The following CD274 variants were observed in gnomAD, a reference collection of about 807,000 sequenced individuals.
The protein encoded by CD274 is CD274 molecule.
In CD274, 8 loss-of-function variants were observed where a neutral mutation model predicts 30.1. The observed-to-expected ratio is 0.27, with a 90% CI of 0.16 to 0.48. The LOEUF is 0.48. Ranked by LOEUF, CD274 falls within the 20% of genes least tolerant of loss-of-function variation. The probability of loss-of-function intolerance (pLI) is 0.99; values close to 1 mark genes in which losing one functional copy is unlikely to be tolerated. For missense variants in CD274, 353 were observed against 346.6 expected (o/e 1.02, Z -0.15); for synonymous variants, 152 against 124.6 (o/e 1.22, Z -1.46).
intron 4 of CD274, 67 bp downstream of exon 4, chr9:5,463,188 G>A (rs2131225141): frequency 3.4e-6 from 4 of 1,180,052 alleles, no homozygotes; most frequent in Non-Finnish European, 5.0e-6. Flanking sequence ...CATGATGTCT[G>A]CCTATCATAG....
intron 1 of CD274, among the ~76,000 whole-genome samples, chr9:5,455,116 G>A (rs922591426): frequency 1.3e-5 from 2 of 151,846 alleles, no homozygotes; most frequent in South Asian, 4.1e-4. Context: ...TACAAAGATT[G>A]GAGAGGCACT....
rs900746109 is a variant in CD274 at position 5,456,986 on chromosome 9, G to A, written c.53-93G>A. Reference sequence around the variant, plus strand: ...TCTTAAATATAATGATAACATAACCGACCAGATAAAGTGATTTATAAACGC... The same window carrying A: ...TCTTAAATATAATGATAACATAACCAACCAGATAAAGTGATTTATAAACGC... On this transcript the variant is annotated intron_variant, in intron 2 of 6. Coordinates refer to ENST00000381577, the MANE Select transcript of CD274 (RefSeq NM_014143.4). 1.4e-5 allele frequency: 11 copies of A among 802,302 alleles called. No homozygotes were observed. In the East Asian group the frequency reaches 1.5e-4, roughly 11 times the overall value. 49.7% of individuals were successfully genotyped at this position (802,302 alleles called of 1,614,324 possible).
intron 1 of CD274, among the ~76,000 whole-genome samples, chr9:5,455,486 C>T (rs563543077): frequency 1.0e-3 from 157 of 152,230 alleles, no homozygotes; most frequent in Non-Finnish European, 2.0e-3. Context: ...AACTCTCTCC[C>T]CTTCCCACTC....
chr9:5,459,170 T>A (rs1042311366), intron 3 of CD274, among the ~76,000 whole-genome samples: 1 of 152,196 alleles, frequency 6.6e-6, no homozygotes, highest in Non-Finnish European at 1.5e-5. Flanking sequence ...TGATGGTTTT[T>A]CCAAGGGGGA....
At chr9:5,451,676 T>G (rs1182209164) in intron 1 of CD274, among the ~76,000 whole-genome samples, 1 of 152,178 alleles carries the variant, frequency 6.6e-6, no homozygotes, top group African/African-American at 2.4e-5. Context: ...TTCAAGGAAG[T>G]CACAGAAATA....
At chr9:5,462,203 A>G (rs996345677) in intron 3 of CD274, among the ~76,000 whole-genome samples, 3 of 152,190 alleles carry the variant, frequency 2.0e-5, no homozygotes, top group Non-Finnish European at 4.4e-5. Context: ...GTATTTTCAT[A>G]TCTAATTTCT....
intron 4 of CD274, 91 bp downstream of exon 4, chr9:5,463,212 G>A: frequency 4.1e-6 from 4 of 982,850 alleles, no homozygotes; most frequent in Non-Finnish European, 6.3e-6. Flanking sequence ...TTCAGTGATT[G>A]TTGAATAAAT....
chr9:5,470,432 T>G lies in CD274; in HGVS notation c.*2570T>G, dbSNP rs1473865269. The G allele has an allele frequency of 4.4e-6, 1 of 229,196 alleles. No individual in the cohort carries two copies. The highest frequency in any genetic ancestry group is 8.7e-6 in the Non-Finnish European group (1 of 115,600). 14.2% of individuals were successfully genotyped at this position (229,196 alleles called of 1,614,324 possible). ...GATGATACCTAATTCTGCATTTGAT[T>G]GTCACTTTTTGTACCTGCATTAATT... is the stretch of plus-strand genomic sequence containing the variant. On this transcript the variant is annotated 3_prime_UTR_variant, in exon 7 of 7. Transcript: ENST00000381577.
In CD274 at chr9:5,467,868, C is replaced by G. The variant is rs1359819369; in HGVS notation, c.*6C>G. Reference sequence around the variant, plus strand: ...CACATTTGGAGGAGACGTAATCCAGCATTGGAACTTCTGATCTTCAAGCAG... The same window carrying G: ...CACATTTGGAGGAGACGTAATCCAGGATTGGAACTTCTGATCTTCAAGCAG... On this transcript the variant is annotated 3_prime_UTR_variant, in exon 7 of 7. Transcript: ENST00000381577. The G allele has an allele frequency of 6.2e-7, 1 of 1,607,768 alleles. No individual in the cohort carries two copies. Among genetic ancestry groups the G allele is most frequent in the African/African-American group, 1.3e-5 (1 of 74,732 alleles).
chr9:5,453,212 GATGACTC>G (rs1279369211), intron 1 of CD274, among the ~76,000 whole-genome samples: 1 of 152,078 alleles, frequency 6.6e-6, no homozygotes, highest in Non-Finnish European at 1.5e-5. Context: ...GCAAGAGGAT[GATGACTC>G]ATGTTATTTC....
intron 4 of CD274, among the ~76,000 whole-genome samples, chr9:5,464,091 A>C (rs924285497): frequency 6.6e-6 from 1 of 152,232 alleles, no homozygotes; most frequent in African/African-American, 2.4e-5. Context: ...AGGAAAAGAT[A>C]ATCCAGGACG....
intron 3 of CD274, among the ~76,000 whole-genome samples, chr9:5,459,017 G>A (rs1427144314): frequency 6.6e-6 from 1 of 152,186 alleles, no homozygotes; most frequent in Non-Finnish European, 1.5e-5. Flanking sequence ...TCTCTCATCA[G>A]CCTGTAGGGA....
chr9:5,457,042 T>G (rs1025917093), intron 2 of CD274, 37 bp from the exon 3 acceptor site: 51 of 1,450,960 alleles, frequency 3.5e-5, no homozygotes, highest in Middle Eastern at 1.9e-4. Context: ...TTCGAGGAAT[T>G]TTCCCTTTTC....
chr9:5,461,461 G>A (rs1819403066), intron 3 of CD274, among the ~76,000 whole-genome samples: 1 of 152,106 alleles, frequency 6.6e-6, no homozygotes, highest in Non-Finnish European at 1.5e-5. Flanking sequence ...TCCACTGGTA[G>A]TGGTTTCATT....
Position 5,468,012 on chromosome 9 carries a change from T to G in CD274, c.*150T>G. 1.5e-6 allele frequency: 1 copy of G among 685,592 alleles called. No individual in the cohort carries two copies. Among genetic ancestry groups the G allele is most frequent in the South Asian group, 1.7e-5 (1 of 59,958 alleles). 42.5% of individuals were successfully genotyped at this position (685,592 alleles called of 1,614,324 possible). ...AGGCCCAAGCACTGAAAATGGAACC[T>G]GGCGAAAGCAGAGGAGGAGAATGAA... On this transcript the variant is annotated 3_prime_UTR_variant, in exon 7 of 7. Coordinates refer to ENST00000381577, the MANE Select transcript of CD274 (RefSeq NM_014143.4).
Position 5,466,821 on chromosome 9 carries a change from A to G in CD274, c.842A>G (p.Lys281Arg), listed in dbSNP as rs2131233080. The change falls in exon 6 of 7, where the codon AAG becomes AGG. Residue 281 changes from lysine (K) to arginine (R), a missense_variant. Lys to Arg is a conservative substitution (Grantham distance 26). Coordinates refer to ENST00000381577, the MANE Select transcript of CD274 (RefSeq NM_014143.4). The part of the protein sequence containing the change: ...KCGIQDTNSK[K>R]QSDTHLEET ...GGCATCCAAGATACAAACTCAAAGA[A>G]GCAAAGTGGTAAGAATATCAGAAGG... The G allele has an allele frequency of 6.2e-7, 1 of 1,609,786 alleles. No homozygotes were observed. Among genetic ancestry groups the G allele is most frequent in the Non-Finnish European group, 8.5e-7 (1 of 1,177,270 alleles).
Position 5,469,472 on chromosome 9 carries a change from T to G in CD274, c.*1610T>G, listed in dbSNP as rs760168795. ...AAGATAGTCTACATTTGGAAATGTA[T>G]GTTAAAAGCACGTATTTTTAAAATT... On this transcript the variant is annotated 3_prime_UTR_variant, in exon 7 of 7. Transcript: ENST00000381577. 5.6e-5 allele frequency: 13 copies of G among 231,160 alleles called. No individual in the cohort carries two copies. Among genetic ancestry groups the G allele is most frequent in the Non-Finnish European group, 9.4e-5 (11 of 116,852 alleles). The allele number at this position is 231,160 out of a possible 1,614,324, so 14.3% of individuals were successfully genotyped here. A position where few individuals can be genotyped will look rare whatever the true frequency, so the allele number is the denominator to read the frequency against.
Position 5,467,926 on chromosome 9 carries a change from G to C in CD274, c.*64G>C. The C allele has an allele frequency of 1.4e-6, 2 of 1,412,306 alleles. No individual in the cohort carries two copies. Among genetic ancestry groups the C allele is most frequent in the Non-Finnish European group, 2.0e-6 (2 of 996,202 alleles). 87.5% of individuals were successfully genotyped at this position (1,412,306 alleles called of 1,614,324 possible). ...CAACCTGTGGTTTAGGGGTTCATCG[G>C]GGCTGAGCGTGACAAGAGGAAGGAA... On this transcript the variant is annotated 3_prime_UTR_variant, in exon 7 of 7. Transcript: ENST00000381577.
At chr9:5,465,687 A>G (rs1819486957) in intron 5 of CD274, 81 bp downstream of exon 5, 2 of 839,342 alleles carry the variant, frequency 2.4e-6, no homozygotes, top group African/African-American at 3.3e-5. Context: ...AGGAAACCCG[A>G]CTTAACCTCT....
Sources: allele counts gnomAD v4.1 joint callset (sites outside exome capture counted in the v4.1 genomes callset), GRCh38; gene constraint gnomAD v4.1.1; transcripts MANE v1.5; gene names NCBI Gene and HGNC (gene_info 2026-07-23, HGNC 2026-07-21).